Variants in DNAH14 observed in about 807,000 individuals in gnomAD.
The protein encoded by DNAH14 is axonemal beta dynein heavy chain 14.
Under a neutral mutation model 520.9 loss-of-function variants are expected in DNAH14, and 478 were observed. The observed-to-expected ratio is 0.92, with a 90% CI of 0.85 to 0.99. DNAH14 has a LOEUF of 0.99. Ranked by LOEUF, DNAH14 falls within the 50% of genes least tolerant of loss-of-function variation. The pLI is 0.00. For synonymous variants in DNAH14, 1,581 were observed against 1,757.2 expected (o/e 0.90, Z 2.51); for missense variants, 4,831 against 5,234.5 (o/e 0.92, Z 2.38).
Position 225,381,014 on chromosome 1 carries a change from T to TA in DNAH14, c.12881-361dup, listed in dbSNP as rs896692488. On this transcript the variant is annotated intron_variant, in intron 80 of 85. Transcript: ENST00000682510. ...AATGGCTTTTGCATTTTTTAATGGT[T>TA]AAAAAAAATCAAAAGAAGGAATATA... is the stretch of plus-strand genomic sequence containing the variant. Among the ~76,000 whole-genome samples, 5 of 152,160 alleles carry TA rather than the reference T, an allele frequency of 3.3e-5. No individual in the cohort carries two copies. In the South Asian group the frequency reaches 6.2e-4, roughly 19 times the overall value.
At chr1:225,199,093 T>G (rs1052529655) in intron 38 of DNAH14, among the ~76,000 whole-genome samples, 1 of 152,188 alleles carries the variant, frequency 6.6e-6, no homozygotes, top group Non-Finnish European at 1.5e-5. Context: ...TTCTAGGAAT[T>G]TATCCATCTC....
Position 225,034,732 on chromosome 1 carries a change from T to C in DNAH14, c.1359-3962T>C, listed in dbSNP as rs7522291. Reference sequence around the variant, plus strand: ...GAGCTTTTTTCTTGGTAGGCTGTTATTACTGATTCAATTTTAGAGCTCATT... The same window carrying C: ...GAGCTTTTTTCTTGGTAGGCTGTTACTACTGATTCAATTTTAGAGCTCATT... On this transcript the variant is annotated intron_variant, in intron 11 of 85. Coordinates refer to ENST00000682510, the MANE Select transcript of DNAH14 (RefSeq NM_001367479.1). 7.6e-3 allele frequency among the ~76,000 whole-genome samples: 1,160 copies of C among 152,290 alleles called. 18 individuals are homozygous for C. The highest frequency in any genetic ancestry group is 0.026 in the African/African-American group (1,100 of 41,562).
chr1:225,052,917 G>A (rs2068682764), intron 17 of DNAH14, among the ~76,000 whole-genome samples: 1 of 152,122 alleles, frequency 6.6e-6, no homozygotes, highest in Non-Finnish European at 1.5e-5. Context: ...AGCCATCAGG[G>A]ACATAGGATG....
intron 38 of DNAH14, among the ~76,000 whole-genome samples, chr1:225,201,351 A>G (rs897135756): frequency 7.2e-5 from 11 of 152,040 alleles, no homozygotes; most frequent in Non-Finnish European, 1.6e-4. Context: ...AACCTTCTGA[A>G]TTCTTTTTCA....
chr1:225,249,648 A>G (rs1178062267), intron 43 of DNAH14, among the ~76,000 whole-genome samples: 2 of 152,184 alleles, frequency 1.3e-5, no homozygotes, highest in Non-Finnish European at 2.9e-5. Context: ...ATATGTATCA[A>G]TGATTTTTTA....
chr1:225,317,197 C>T, intron 60 of DNAH14, among the ~76,000 whole-genome samples: 1 of 152,068 alleles, frequency 6.6e-6, no homozygotes, highest in South Asian at 2.1e-4. Context: ...CTTGAAAATG[C>T]AGAAAGAAAT....
chr1:225,237,845 T>C (rs969386368), intron 42 of DNAH14, among the ~76,000 whole-genome samples: 4 of 152,234 alleles, frequency 2.6e-5, no homozygotes, highest in African/African-American at 9.6e-5. Flanking sequence ...CTTGTCTGCC[T>C]GTCTTATTTC....
At chr1:225,035,089 C>G (rs1398894178) in intron 11 of DNAH14, among the ~76,000 whole-genome samples, 1 of 151,632 alleles carries the variant, frequency 6.6e-6, no homozygotes, top group Admixed American at 6.6e-5. Flanking sequence ...CAATTTCCTT[C>G]TGTTGGGCTC....
At chr1:225,345,811 TA>T in intron 69 of DNAH14, 150 bp from the exon 70 acceptor site, 2 of 585,388 alleles carry the variant, frequency 3.4e-6, no homozygotes, top group Non-Finnish European at 5.8e-6. Context: ...TTATTAGAAA[TA>T]TTACCTAACT....
rs11805504 is a variant in DNAH14 at position 225,306,095 on chromosome 1, C to A, written c.9005+1006C>A. On this transcript the variant is annotated intron_variant, in intron 58 of 85. Coordinates refer to ENST00000682510, the MANE Select transcript of DNAH14 (RefSeq NM_001367479.1). Reference sequence around the variant, plus strand: ...GGCAATGTGATATTTCATCAGCACTCATGCTGGAGAGTGTGAACTAATTTG... The same window carrying A: ...GGCAATGTGATATTTCATCAGCACTAATGCTGGAGAGTGTGAACTAATTTG... Among the ~76,000 whole-genome samples, 902 of 152,344 alleles carry A rather than the reference C, an allele frequency of 5.9e-3. 10 individuals are homozygous for A. The highest frequency in any genetic ancestry group is 0.02 in the African/African-American group (848 of 41,584).
chr1:225,178,155 A>C (rs1444988801), intron 36 of DNAH14, among the ~76,000 whole-genome samples: 2 of 152,130 alleles, frequency 1.3e-5, no homozygotes, highest in Admixed American at 1.3e-4. Flanking sequence ...TCGGACTTAC[A>C]TGAGGCCTGT....
At chr1:225,176,780 A>G (rs950399413) in intron 36 of DNAH14, among the ~76,000 whole-genome samples, 24 of 152,214 alleles carry the variant, frequency 1.6e-4, no homozygotes, top group Non-Finnish European at 1.5e-5. Flanking sequence ...GCCTTCTGCC[A>G]TTATTGCAAG....
intron 74 of DNAH14, 56 bp downstream of exon 74, chr1:225,358,708 C>T: frequency 1.3e-6 from 2 of 1,495,612 alleles, no homozygotes; most frequent in Non-Finnish European, 1.8e-6. Context: ...TGTGTCCCCA[C>T]CCAAATCTTA....
intron 71 of DNAH14, among the ~76,000 whole-genome samples, chr1:225,351,246 C>G (rs1361036767): frequency 6.6e-6 from 1 of 151,974 alleles, no homozygotes; most frequent in African/African-American, 2.4e-5. Flanking sequence ...CAAAAATTAG[C>G]TGGGCATTGT....
At chr1:225,158,611 G>C (rs186030655) in intron 34 of DNAH14, among the ~76,000 whole-genome samples, 7 of 152,194 alleles carry the variant, frequency 4.6e-5, no homozygotes, top group Admixed American at 1.3e-4. Flanking sequence ...TGTTACTTTA[G>C]TGAATATTTG....
intron 46 of DNAH14, among the ~76,000 whole-genome samples, chr1:225,261,151 T>G (rs1012633069): frequency 6.6e-6 from 1 of 152,186 alleles, no homozygotes; most frequent in Non-Finnish European, 1.5e-5. Context: ...GCCTAATTGC[T>G]CTGGCTAGGA....
chr1:224,971,807 G>C (rs556620995), intron 7 of DNAH14, among the ~76,000 whole-genome samples: 1 of 152,274 alleles, frequency 6.6e-6, no homozygotes, highest in East Asian at 1.9e-4. Context: ...AATGAAGCTG[G>C]TTCTGTTATT....
chr1:225,316,400 GA>G (rs958845223), intron 60 of DNAH14, among the ~76,000 whole-genome samples: 8 of 152,064 alleles, frequency 5.3e-5, no homozygotes, highest in African/African-American at 1.9e-4. Flanking sequence ...ACTGGGGTAT[GA>G]AAAAAAACTC....
At chr1:225,172,081 A>T (rs968114653) in intron 36 of DNAH14, among the ~76,000 whole-genome samples, 7 of 152,182 alleles carry the variant, frequency 4.6e-5, no homozygotes, top group Non-Finnish European at 1.0e-4. Context: ...TCATGCTAAA[A>T]ACTCTCAATA....
Sources: gnomAD v4.1 joint callset for allele counts (sites outside exome capture counted in the v4.1 genomes callset) on GRCh38, gnomAD v4.1.1 for gene constraint, MANE v1.5 for transcripts, NCBI Gene and HGNC (gene_info 2026-07-23, HGNC 2026-07-21) for gene names.